The following GRID1 variants were observed in gnomAD, a reference collection of about 807,000 sequenced individuals.
The protein encoded by GRID1 is glutamate receptor ionotropic, delta-1.
Under a neutral mutation model 98.0 loss-of-function variants are expected in GRID1, and 28 were observed. The ratio of observed to expected loss-of-function variants is 0.29; its 90% CI spans 0.21 to 0.39. GRID1 has a LOEUF of 0.39. Ranked by LOEUF, GRID1 falls within the 10% of genes least tolerant of loss-of-function variation. GRID1 has a pLI of 1.00. For synonymous variants in GRID1, 553 were observed against 538.5 expected (o/e 1.03, Z -0.37); for missense variants, 1,111 against 1,340.5 (o/e 0.83, Z 2.67).
chr10:85,713,642 A>AC (rs1246599925), intron 12 of GRID1, among the ~76,000 whole-genome samples: 3 of 151,400 alleles, frequency 2.0e-5, no homozygotes, highest in Non-Finnish European at 4.4e-5. Context: ...AAAAAAAAAA[A>AC]AAACATATCC....
intron 14 of GRID1, among the ~76,000 whole-genome samples, chr10:85,617,930 G>C (rs1305978059): frequency 6.6e-6 from 1 of 152,144 alleles, no homozygotes; most frequent in African/African-American, 2.4e-5. Flanking sequence ...CCCTGGCCCT[G>C]GTCCTCTGAA....
intron 4 of GRID1, among the ~76,000 whole-genome samples, chr10:85,937,737 G>A (rs1263964671): frequency 6.6e-6 from 1 of 152,140 alleles, no homozygotes; most frequent in Non-Finnish European, 1.5e-5. Flanking sequence ...GACATTTGGG[G>A]TTGTCAAAAC....
chr10:86,247,255 G>A (rs370661109), intron 2 of GRID1, among the ~76,000 whole-genome samples: 7 of 90,750 alleles, frequency 7.7e-5, no homozygotes, highest in Middle Eastern at 5.3e-3. Context: ...ACAGATGGAT[G>A]GATAGATGGA....
chr10:85,761,766 G>A (rs1424383817), intron 8 of GRID1, among the ~76,000 whole-genome samples: 1 of 152,078 alleles, frequency 6.6e-6, no homozygotes, highest in Admixed American at 6.5e-5. Flanking sequence ...AATTGCCATG[G>A]TGGCCCCTCT....
chr10:85,672,593 C>G (rs1267645251), intron 12 of GRID1, among the ~76,000 whole-genome samples: 3 of 152,116 alleles, frequency 2.0e-5, no homozygotes, highest in Non-Finnish European at 4.4e-5. Context: ...GGCATGAGCC[C>G]CCACGCCCGG....
chr10:86,005,374 G>T (rs1842848612), intron 4 of GRID1, among the ~76,000 whole-genome samples: 2 of 151,604 alleles, frequency 1.3e-5, no homozygotes, highest in South Asian at 2.1e-4. Flanking sequence ...AAAACTCTTT[G>T]CCCTCTCATA....
intron 2 of GRID1, among the ~76,000 whole-genome samples, chr10:86,304,822 G>T (rs550293357): frequency 2.0e-5 from 3 of 152,178 alleles, no homozygotes; most frequent in African/African-American, 7.2e-5. Context: ...AAAGCCACAC[G>T]CTTTCCATGG....
At chr10:86,080,033 TGTTAAGAAACGGA>T (rs1373754559) in intron 4 of GRID1, among the ~76,000 whole-genome samples, 22 of 152,084 alleles carry the variant, frequency 1.4e-4, no homozygotes, top group Admixed American at 1.1e-3. Context: ...GGCCGAAGGC[TGTTAAGAAACGGA>T]GTAAGGGCCT....
In GRID1 at chr10:85,602,324, A is replaced by C. The variant is rs1268202270; in HGVS notation, c.2979T>G (p.Pro993=). 1 of 1,555,582 alleles carries C rather than the reference A, an allele frequency of 6.4e-7. No homozygotes were observed. Among genetic ancestry groups the C allele is most frequent in the Non-Finnish European group, 8.7e-7 (1 of 1,149,712 alleles). The change falls in exon 16 of 16, where the codon CCT becomes CCG. Residue 993 remains proline (P), a synonymous_variant. Coordinates refer to ENST00000327946, the MANE Select transcript of GRID1 (RefSeq NM_017551.3). ...TPIPMSFQPV[P]GGVLPEALDT... ...CCAGAGCCTCTGGAAGGACGCCTCC[A>C]GGCACGGGCTGGAAGGACATGGGGA...
intron 2 of GRID1, among the ~76,000 whole-genome samples, chr10:86,358,739 CAG>C (rs1282395750): frequency 6.6e-6 from 1 of 151,696 alleles, no homozygotes; most frequent in Non-Finnish European, 1.5e-5. Flanking sequence ...ACCTGGGTGA[CAG>C]AGAGAGACTC....
chr10:86,251,316 CT>C (rs1846827011), intron 2 of GRID1, among the ~76,000 whole-genome samples: 1 of 150,846 alleles, frequency 6.6e-6, no homozygotes. Context: ...AAATCCCCCT[CT>C]CCGAGAAACA....
intron 12 of GRID1, chr10:85,708,750 T>A (rs1490093524): frequency 1.3e-5 from 2 of 153,600 alleles, no homozygotes; most frequent in African/African-American, 4.8e-5. Context: ...TTGCAGTCAG[T>A]CACTTGTTTG....
chr10:85,960,597 C>A (rs904556544), intron 4 of GRID1, among the ~76,000 whole-genome samples: 9 of 152,242 alleles, frequency 5.9e-5, no homozygotes, highest in Non-Finnish European at 1.3e-4. Flanking sequence ...ACATTTCCAC[C>A]AGCCAAGGCT....
At chr10:85,714,954 C>A (rs1464595736) in intron 12 of GRID1, among the ~76,000 whole-genome samples, 3 of 151,998 alleles carry the variant, frequency 2.0e-5, no homozygotes, top group Non-Finnish European at 4.4e-5. Context: ...ACAAGAGAAG[C>A]AAATCTGAAG....
chr10:85,811,005 G>A (rs972891466), intron 8 of GRID1, among the ~76,000 whole-genome samples: 1 of 152,108 alleles, frequency 6.6e-6, no homozygotes. Flanking sequence ...CCTCAAGTTG[G>A]CTGATCCACT....
At chr10:85,876,024 T>C (rs1843326106) in intron 5 of GRID1, among the ~76,000 whole-genome samples, 2 of 152,214 alleles carry the variant, frequency 1.3e-5, no homozygotes, top group Non-Finnish European at 2.9e-5. Flanking sequence ...TTTATCTCAC[T>C]CTTGAAAGAT....
At chr10:85,654,332 CAATT>C (rs1476651003) in intron 12 of GRID1, among the ~76,000 whole-genome samples, 1 of 152,076 alleles carries the variant, frequency 6.6e-6, no homozygotes, top group East Asian at 1.9e-4. Flanking sequence ...TAAAAAGTAA[CAATT>C]AATAAATGTA....
At chr10:86,118,722 C>A (rs1191266190) in intron 4 of GRID1, among the ~76,000 whole-genome samples, 1 of 152,080 alleles carries the variant, frequency 6.6e-6, no homozygotes, top group African/African-American at 2.4e-5. Flanking sequence ...AGGTCTACAC[C>A]AACAGTGATA....
At chr10:86,236,452 C>A (rs1846540522) in intron 2 of GRID1, among the ~76,000 whole-genome samples, 1 of 152,138 alleles carries the variant, frequency 6.6e-6, no homozygotes, top group Admixed American at 6.5e-5. Flanking sequence ...AAAAACGGAG[C>A]CACCACTACC....
Sources: allele counts gnomAD v4.1 joint callset (sites outside exome capture counted in the v4.1 genomes callset), GRCh38; gene constraint gnomAD v4.1.1; transcripts MANE v1.5; gene names NCBI Gene and HGNC (gene_info 2026-07-23, HGNC 2026-07-21).